The following SIK3 variants were observed in gnomAD, a reference collection of about 807,000 sequenced individuals.
SIK3 encodes the protein SIK family kinase 3.
In SIK3, 28 loss-of-function variants were observed where a neutral mutation model predicts 144.2. The observed-to-expected ratio is 0.19, with a 90% CI of 0.14 to 0.27. The LOEUF (loss-of-function observed/expected upper bound fraction) is 0.27, where lower values mean the gene tolerates loss of function less well. Among genes scored for constraint, SIK3 ranks in the 10% least tolerant of loss-of-function variants. SIK3 has a pLI of 1.00. For missense variants in SIK3, 1,319 were observed against 1,776.0 expected (o/e 0.74, Z 4.62); for synonymous variants, 686 against 676.3 (o/e 1.01, Z -0.22).
intron 6 of SIK3, among the ~76,000 whole-genome samples, chr11:116,892,661 G>A (rs948547887): frequency 6.6e-6 from 1 of 152,202 alleles, no homozygotes; most frequent in Non-Finnish European, 1.5e-5. Flanking sequence ...CAGTTTGGCA[G>A]TTTCCTACAA....
chr11:116,877,673 G>C (rs1944323567), intron 6 of SIK3, among the ~76,000 whole-genome samples: 1 of 152,202 alleles, frequency 6.6e-6, no homozygotes, highest in African/African-American at 2.4e-5. Context: ...CAGATCTATA[G>C]AAATTTTTCT....
At chr11:117,033,225 A>C (rs1481928765) in intron 1 of SIK3, among the ~76,000 whole-genome samples, 1 of 152,236 alleles carries the variant, frequency 6.6e-6, no homozygotes, top group Non-Finnish European at 1.5e-5. Context: ...ATCAAGTGTC[A>C]GGCCACATTC....
At chr11:116,932,154 T>TC in intron 3 of SIK3, among the ~76,000 whole-genome samples, 1 of 152,184 alleles carries the variant, frequency 6.6e-6, no homozygotes, top group East Asian at 1.9e-4. Flanking sequence ...CTGCCTTCAC[T>TC]CCACTCTAGT....
At chr11:116,861,803 G>C (rs117010832) in intron 18 of SIK3, 38 bp downstream of exon 18, 1 of 1,417,998 alleles carries the variant, frequency 7.1e-7, no homozygotes, top group South Asian at 1.2e-5. Context: ...CCAGGCTATC[G>C]AGACAATGGC....
At chr11:117,040,932 CACAGTT>C (rs1952712602) in intron 1 of SIK3, among the ~76,000 whole-genome samples, 1 of 147,936 alleles carries the variant, frequency 6.8e-6, no homozygotes, top group South Asian at 2.1e-4. Flanking sequence ...TCCATCACCT[CACAGTT>C]ACCTGCCTCC....
In SIK3 at chr11:117,016,383, A is replaced by AGG. The variant is rs1555128195; in HGVS notation, c.274-59320_274-59319insCC. Among the ~76,000 whole-genome samples, 101 of 41,004 alleles carry AGG rather than the reference A, an allele frequency of 2.5e-3. 5 individuals carry two copies. Among genetic ancestry groups the AGG allele is most frequent in the African/African-American group, 7.9e-3 (85 of 10,716 alleles). The allele number at this position is 41,004 out of a possible 152,430, so 26.9% of individuals were successfully genotyped here. ...GAGGGAGGGAAGGAGAGGGAGGGAG[A>AGG]GAGGGAGGGAGGGAAGGAAGGAAGG... On this transcript the variant is annotated intron_variant, in intron 1 of 24. Coordinates refer to ENST00000445177, the MANE Select transcript of SIK3 (RefSeq NM_001366686.3).
intron 1 of SIK3, among the ~76,000 whole-genome samples, chr11:117,055,458 C>T (rs1953473794): frequency 1.3e-5 from 2 of 152,188 alleles, no homozygotes; most frequent in African/African-American, 2.4e-5. Flanking sequence ...TAAATCATTC[C>T]GTGTCTCTTA....
chr11:116,876,355 A>G lies in SIK3; in HGVS notation c.993T>C (p.Ala331=), dbSNP rs772094792. Reference sequence around the variant, plus strand: ...TTTCTTCCTTTAGTTGTTGGCATTCAGCTATTAACTGTAACATAAAAAGGA... The same window carrying G: ...TTTCTTCCTTTAGTTGTTGGCATTCGGCTATTAACTGTAACATAAAAAGGA... ...DADPNFDRLI[A]ECQQLKEERQ... is the part of the protein sequence containing the mutation. Residue 331 remains alanine, a synonymous_variant, in exon 8 of 25, where the codon GCT becomes GCC. Transcript: ENST00000445177. 6.2e-7 allele frequency: 1 copy of G among 1,613,268 alleles called. No individual in the cohort carries two copies. Among genetic ancestry groups the G allele is most frequent in the South Asian group, 1.1e-5 (1 of 91,064 alleles).
intron 4 of SIK3, among the ~76,000 whole-genome samples, chr11:116,916,669 C>A (rs1015931038): frequency 6.6e-6 from 1 of 151,850 alleles, no homozygotes; most frequent in Non-Finnish European, 1.5e-5. Flanking sequence ...TGCCACCACG[C>A]CCGGCTAATT....
chr11:116,938,554 AGG>A (rs1948084352), intron 3 of SIK3, among the ~76,000 whole-genome samples: 3 of 12,304 alleles, frequency 2.4e-4, no homozygotes, highest in African/African-American at 4.3e-4. Flanking sequence ...AGGGGAGGGG[AGG>A]GGAGGGGAGG....
intron 1 of SIK3, among the ~76,000 whole-genome samples, chr11:117,095,286 TATC>T (rs1955426737): frequency 6.6e-6 from 1 of 151,118 alleles, no homozygotes; most frequent in Non-Finnish European, 1.5e-5. Context: ...CCAACACAAG[TATC>T]ATCTGAATTA....
rs891995070 is a variant in SIK3 at position 116,844,495 on chromosome 11, T to A, written c.*1148A>T. On this transcript the variant is annotated 3_prime_UTR_variant, in exon 25 of 25. Transcript: ENST00000445177. ...AAATATAGGGGCTGAGGGTACCCAG[T>A]GGGGAAGAGGAGGTTAGGAGAGAGG... 22 of 148,576 alleles carry A rather than the reference T, an allele frequency of 1.5e-4. No individual in the cohort carries two copies. The highest frequency in any genetic ancestry group is 5.4e-4 in the African/African-American group (22 of 40,634). The allele number at this position is 148,576 out of a possible 1,614,324, so 9.2% of individuals were successfully genotyped here.
At chr11:117,045,718 C>T (rs538995200) in intron 1 of SIK3, among the ~76,000 whole-genome samples, 1 of 152,260 alleles carries the variant, frequency 6.6e-6, no homozygotes, top group East Asian at 1.9e-4. Context: ...ACAGACTGTC[C>T]TAATCACACT....
At chr11:116,921,912 G>A (rs887677460) in intron 4 of SIK3, among the ~76,000 whole-genome samples, 29 of 150,210 alleles carry the variant, frequency 1.9e-4, no homozygotes, top group Admixed American at 1.8e-3. Context: ...ATAAACAGTG[G>A]AACAATGGTT....
intron 1 of SIK3, among the ~76,000 whole-genome samples, chr11:117,029,681 T>G (rs1181079985): frequency 6.6e-6 from 1 of 152,002 alleles, no homozygotes; most frequent in South Asian, 2.1e-4. Flanking sequence ...TACACAAAAT[T>G]CAAGGAGAAA....
chr11:116,925,389 C>A (rs995528691), intron 4 of SIK3, among the ~76,000 whole-genome samples: 1 of 152,142 alleles, frequency 6.6e-6, no homozygotes, highest in African/African-American at 2.4e-5. Context: ...CAATGGAAGC[C>A]ACAGGTTGGA....
intron 1 of SIK3, among the ~76,000 whole-genome samples, chr11:117,049,774 A>T (rs1287201156): frequency 6.7e-6 from 1 of 150,098 alleles, no homozygotes; most frequent in African/African-American, 2.5e-5. Context: ...TGGGCAACAA[A>T]CCGAGATATC....
At chr11:116,870,718 T>G (rs1163442609) in intron 13 of SIK3, among the ~76,000 whole-genome samples, 9 of 152,146 alleles carry the variant, frequency 5.9e-5, no homozygotes, top group Non-Finnish European at 4.4e-5. Context: ...TACAGTCTAG[T>G]AGAGGATAGA....
intron 3 of SIK3, among the ~76,000 whole-genome samples, chr11:116,947,216 AAT>A (rs1360936409): frequency 7.4e-6 from 1 of 135,418 alleles, no homozygotes; most frequent in Non-Finnish European, 1.5e-5. Context: ...ATTTATATAC[AAT>A]ATATAATTAT....
Sources: allele counts gnomAD v4.1 joint callset (sites outside exome capture counted in the v4.1 genomes callset), GRCh38; gene constraint gnomAD v4.1.1; transcripts MANE v1.5; gene names NCBI Gene and HGNC (gene_info 2026-07-23, HGNC 2026-07-21).